The following HAUS6 variants were observed in gnomAD, a reference collection of about 807,000 sequenced individuals.
HAUS6 encodes the protein HAUS augmin like complex subunit 6.
Under a neutral mutation model 106.8 loss-of-function variants are expected in HAUS6, and 80 were observed. That is an observed-to-expected ratio of 0.75 (90% confidence interval 0.63 to 0.90). The LOEUF is 0.90. Ranked by LOEUF, HAUS6 falls within the 40% of genes least tolerant of loss-of-function variation. The pLI is 0.00. For synonymous variants in HAUS6, 356 were observed against 379.1 expected (o/e 0.94, Z 0.71); for missense variants, 1,155 against 1,118.1 (o/e 1.03, Z -0.47).
intron 11 of HAUS6, among the ~76,000 whole-genome samples, chr9:19,072,379 G>A (rs1301403412): frequency 5.3e-5 from 8 of 151,954 alleles, no homozygotes; most frequent in Admixed American, 5.2e-4. Flanking sequence ...CAGGTGTGAT[G>A]GCACACGCCA....
chr9:19,078,180 G>T lies in HAUS6; in HGVS notation c.1187C>A (p.Thr396Asn), dbSNP rs1015145934. The T allele has an allele frequency of 6.2e-7, 1 of 1,605,492 alleles. No homozygotes were observed. Among genetic ancestry groups the T allele is most frequent in the Admixed American group, 1.7e-5 (1 of 59,480 alleles). ...LSPFSLIKGW[T>N]PSVDLLPPMS... ...GGGCAAGTCAACATTACTTACTGGA[G>T]TCCAACCTTTAATTAGACTGAAAGG... Residue 396 changes from threonine (T) to asparagine (N), a missense_variant, in exon 10 of 17, where the codon ACT becomes AAT. Physicochemically the swap from Thr to Asn is moderately conservative, Grantham distance 65 (BLOSUM62 0). Transcript: ENST00000380502.
chr9:19,084,548 G>A (rs1423441990), intron 7 of HAUS6, among the ~76,000 whole-genome samples: 1 of 150,742 alleles, frequency 6.6e-6, no homozygotes, highest in African/African-American at 2.5e-5. Flanking sequence ...GGAGGGAGGT[G>A]GAGAAATATA....
intron 5 of HAUS6, among the ~76,000 whole-genome samples, chr9:19,088,975 G>GA (rs1184023179): frequency 2.6e-5 from 4 of 152,154 alleles, no homozygotes; most frequent in Non-Finnish European, 5.9e-5. Context: ...AGCCACAGTG[G>GA]CTCATGTCTG....
intron 4 of HAUS6, 129 bp from the exon 5 acceptor site, chr9:19,089,688 A>G: frequency 1.7e-6 from 1 of 581,056 alleles, no homozygotes. Context: ...ATTGACTTTT[A>G]AAAAAAGGAA....
Position 19,070,286 on chromosome 9 carries a change from G to C in HAUS6, c.1309C>G (p.His437Asp). ...CCTCTGCAACCATTTTCTTGGTTAT[G>C]TTGCTTATGTGCATCTAAAGAAATT... ...PASLPDAHKQHNQENGCRGDS... is the reference protein window; with the variant it reads ...PASLPDAHKQDNQENGCRGDS... Residue 437 changes from histidine (H) to aspartate (D), a missense_variant, in exon 12 of 17, where the codon CAT becomes GAT. Coordinates refer to ENST00000380502, the MANE Select transcript of HAUS6 (RefSeq NM_017645.5). 1.3e-6 allele frequency: 2 copies of C among 1,581,618 alleles called. No homozygotes were observed. The highest frequency in any genetic ancestry group is 2.2e-5 in the South Asian group (2 of 90,188).
intron 1 of HAUS6, among the ~76,000 whole-genome samples, chr9:19,100,864 A>C (rs769429103): frequency 1.3e-5 from 2 of 152,216 alleles, no homozygotes; most frequent in Non-Finnish European, 2.9e-5. Flanking sequence ...ACATGTTCTC[A>C]CATGTGAAAG....
In HAUS6 at chr9:19,079,525, C is replaced by T. The variant is rs563210283; in HGVS notation, c.1064+954G>A. Among the ~76,000 whole-genome samples the T allele has an allele frequency of 2.6e-5, 4 of 152,132 alleles. No homozygotes were observed. The East Asian group carries it at 7.8e-4, about 30-fold the overall frequency. On this transcript the variant is annotated intron_variant, in intron 9 of 16. Transcript: ENST00000380502. ...GGATTACAAGTGTGAGCCACCATGCCCAGCTACTCCATTTATTTTTAAGAT... is the reference window on the plus strand; with the variant it reads ...GGATTACAAGTGTGAGCCACCATGCTCAGCTACTCCATTTATTTTTAAGAT...
chr9:19,089,745 T>A (rs1374881086), intron 4 of HAUS6, 186 bp from the exon 5 acceptor site: 2 of 530,640 alleles, frequency 3.8e-6, no homozygotes, highest in African/African-American at 3.9e-5. Flanking sequence ...AATTTCAATA[T>A]TAAGAAATTA....
In HAUS6 at chr9:19,053,301, G is replaced by C. The variant is rs1836396520; in HGVS notation, c.*3042C>G. On this transcript the variant is annotated 3_prime_UTR_variant, in exon 17 of 17. Coordinates refer to ENST00000380502, the MANE Select transcript of HAUS6 (RefSeq NM_017645.5). ...GCAACTATGTATCTGCAACATAAAAGAAACATTTACTTCAATGCTTTTACA... is the reference window on the plus strand; with the variant it reads ...GCAACTATGTATCTGCAACATAAAACAAACATTTACTTCAATGCTTTTACA... The C allele has an allele frequency of 6.6e-6, 1 of 152,084 alleles. No individual in the cohort carries two copies. The highest frequency in any genetic ancestry group is 2.4e-5 in the African/African-American group (1 of 41,434). 9.4% of individuals were successfully genotyped at this position (152,084 alleles called of 1,614,324 possible).
At chr9:19,085,523 T>C (rs1449738929) in intron 7 of HAUS6, among the ~76,000 whole-genome samples, 1 of 150,284 alleles carries the variant, frequency 6.7e-6, no homozygotes, top group African/African-American at 2.5e-5. Flanking sequence ...CCTTTACAGG[T>C]GACAATGTGC....
chr9:19,098,395 G>A (rs973449343), intron 1 of HAUS6, among the ~76,000 whole-genome samples: 11 of 142,456 alleles, frequency 7.7e-5, no homozygotes, highest in Non-Finnish European at 1.2e-4. Context: ...CCAAGATCGC[G>A]CCACCGCACT....
At chr9:19,074,554 G>C (rs1836951349) in intron 11 of HAUS6, among the ~76,000 whole-genome samples, 1 of 152,096 alleles carries the variant, frequency 6.6e-6, no homozygotes, top group Non-Finnish European at 1.5e-5. Context: ...TTATAGGTGT[G>C]AGCTGCTATG....
chr9:19,086,792 A>C lies in HAUS6; in HGVS notation c.651-10T>G, dbSNP rs1212703371. ...ATCATAGGGTTCCATTCTAATAAAA[A>C]TTAAATAATCTAATTAGTCATATTA... On this transcript the variant is annotated splice_polypyrimidine_tract_variant and intron_variant, in intron 6 of 16. Coordinates refer to ENST00000380502, the MANE Select transcript of HAUS6 (RefSeq NM_017645.5). The C allele has an allele frequency of 4.7e-6, 5 of 1,055,686 alleles. No homozygotes were observed. Among genetic ancestry groups the C allele is most frequent in the Non-Finnish European group, 7.2e-6 (5 of 696,346 alleles). 65.4% of individuals were successfully genotyped at this position (1,055,686 alleles called of 1,614,324 possible).
intron 11 of HAUS6, among the ~76,000 whole-genome samples, chr9:19,075,398 A>G (rs1564012881): frequency 1.3e-5 from 2 of 152,254 alleles, no homozygotes; most frequent in African/African-American, 4.8e-5. Flanking sequence ...TTATATCTCA[A>G]CAAATCTGAT....
Position 19,073,922 on chromosome 9 carries a change from T to G in HAUS6, c.1294+2680A>C, listed in dbSNP as rs148577680. On this transcript the variant is annotated intron_variant, in intron 11 of 16. Transcript: ENST00000380502. ...GGCCCCTGAGCATGCATAACACTAA[T>G]TTTTAATTTAAAATAAAAGTTTAAG... is the stretch of plus-strand genomic sequence containing the variant. 4.5e-3 allele frequency: 687 copies of G among 152,236 alleles called. 5 individuals are homozygous for G. Among genetic ancestry groups the G allele is most frequent in the Non-Finnish European group, 7.6e-3 (514 of 68,020 alleles). The allele number at this position is 152,236 out of a possible 1,614,324, so 9.4% of individuals were successfully genotyped here.
At chr9:19,096,620 G>T in intron 2 of HAUS6, 54 bp downstream of exon 2, 2 of 674,756 alleles carry the variant, frequency 3.0e-6, no homozygotes, top group Non-Finnish European at 5.1e-6. Flanking sequence ...TCAAAACGCT[G>T]TCCATTTTCA....
chr9:19,066,048 G>A (rs112173286), intron 12 of HAUS6, among the ~76,000 whole-genome samples: 16,677 of 149,990 alleles, frequency 0.11, 1,089 homozygotes, highest in Admixed American at 0.16. Flanking sequence ...CACTTCTCCT[G>A]CCCCAGCCTC....
chr9:19,088,907 C>A (rs1286573012), intron 5 of HAUS6, among the ~76,000 whole-genome samples: 1 of 150,854 alleles, frequency 6.6e-6, no homozygotes, highest in Admixed American at 6.6e-5. Context: ...GTAAAGTGAT[C>A]TTTTCTTTTT....
At chr9:19,091,107 T>C (rs147661236) in intron 4 of HAUS6, among the ~76,000 whole-genome samples, 5,280 of 151,846 alleles carry the variant, frequency 0.035, 114 homozygotes, top group Non-Finnish European at 0.051. Context: ...GAGACCAGCC[T>C]GGCCAACATA....
Sources: allele counts gnomAD v4.1 joint callset (sites outside exome capture counted in the v4.1 genomes callset), GRCh38; gene constraint gnomAD v4.1.1; transcripts MANE v1.5; gene names NCBI Gene and HGNC (gene_info 2026-07-23, HGNC 2026-07-21).